ASPG: variants seen among roughly 807,000 people sequenced by gnomAD.
ASPG encodes 60 kDa lysophospholipase.
ASPG carries 53 observed loss-of-function variants against 63.2 expected under a neutral mutation model. The observed-to-expected ratio is 0.84, with a 90% CI of 0.67 to 1.05. ASPG has a LOEUF of 1.05. ASPG is among the 50% of genes least tolerant of loss of function. The pLI, the probability that ASPG is intolerant of heterozygous loss-of-function variation, is 0.00. For missense variants in ASPG, 741 were observed against 794.4 expected, an observed-to-expected ratio of 0.93 and a Z score of 0.81; for synonymous variants, 370 against 355.0, an observed-to-expected ratio of 1.04 and a Z score of -0.48.
intron 1 of ASPG, among the ~76,000 whole-genome samples, chr14:104,087,799 C>T (rs557110639): frequency 4.6e-5 from 7 of 152,348 alleles, no homozygotes; most frequent in South Asian, 2.1e-4. Flanking sequence ...TTGGCCCCCG[C>T]GTGCTCGCCG....
At chr14:104,087,062 C>T (rs1400079113) in intron 1 of ASPG, among the ~76,000 whole-genome samples, 5 of 151,656 alleles carry the variant, frequency 3.3e-5, no homozygotes, top group East Asian at 3.9e-4. Context: ...AGCACTCTGT[C>T]GGTGCTCTCA....
At position 104,092,710 on chromosome 14, in the gene ASPG, C is replaced by T. The variant is rs556759105; in HGVS notation, c.160C>T (p.Arg54Cys). Reference sequence around the variant, plus strand: ...CCATGACGAGGAGCACGCCCGAGCCCGCGGCCTCTCTGAGGACACCCTGGT... The same window carrying T: ...CCATGACGAGGAGCACGCCCGAGCCTGCGGCCTCTCTGAGGACACCCTGGT... Reference protein sequence around the residue: ...MFHDEEHARARGLSEDTLVLP... With the variant: ...MFHDEEHARACGLSEDTLVLP... The change falls in exon 2 of 16, where the codon CGC becomes TGC. Residue 54 changes from arginine to cysteine, a missense_variant. Arg to Cys is a radical substitution (Grantham distance 180). Transcript: ENST00000551177. 1.2e-5 allele frequency: 18 copies of T among 1,537,094 alleles called. No individual in the cohort carries two copies. Among genetic ancestry groups the T allele is most frequent in the Middle Eastern group, 2.1e-4 (1 of 4,712 alleles).
At chr14:104,096,790 C>T (rs975129645) in intron 4 of ASPG, among the ~76,000 whole-genome samples, 6 of 152,316 alleles carry the variant, frequency 3.9e-5, no homozygotes, top group Middle Eastern at 3.4e-3. Context: ...CCACGTACCA[C>T]GTGAGGGCTG....
intron 2 of ASPG, chr14:104,093,070 CAT>C: frequency 2.1e-6 from 1 of 479,854 alleles, no homozygotes; most frequent in Admixed American, 3.4e-5. Context: ...TTGCCCCCAG[CAT>C]AGAGGTCCTT....
chr14:104,110,351 G>A lies in ASPG; in HGVS notation c.1520+1036G>A, dbSNP rs2037334325. ...CCTCTGGGACCGGCCCACAACCCCT[G>A]GTCTTGCTTTTGAAGGGACTTCCGG... On this transcript the variant is annotated intron_variant, in intron 13 of 15. Transcript: ENST00000551177. The surrounding 1 kb of genome is among the most constrained non-coding windows in gnomAD (Gnocchi z 4.7). The A allele has an allele frequency of 1.0e-6, 1 of 985,256 alleles. No individual in the cohort carries two copies. The highest frequency in any genetic ancestry group is 1.2e-6 in the Non-Finnish European group (1 of 829,908). 61.0% of individuals were successfully genotyped at this position (985,256 alleles called of 1,614,324 possible).
Position 104,107,170 on chromosome 14 carries a change from G to C in ASPG, c.1270-12G>C. 6.5e-7 allele frequency: 1 copy of C among 1,547,190 alleles called. No individual in the cohort carries two copies. The highest frequency in any genetic ancestry group is 2.3e-5 in the East Asian group (1 of 44,116). The stretch of plus-strand genomic sequence containing the variant: ...TCTCCCTCAGGGGTCGCATGTCCTT[G>C]TGTTACTCCAGGGCAGTGACCTGGG... On this transcript the variant is annotated splice_polypyrimidine_tract_variant and intron_variant, in intron 11 of 15. Coordinates refer to ENST00000551177, the MANE Select transcript of ASPG (RefSeq NM_001080464.3).
intron 4 of ASPG, among the ~76,000 whole-genome samples, chr14:104,096,236 CTGACTAGGGGTCCATGT>C (rs2036589610): frequency 6.6e-6 from 1 of 152,208 alleles, no homozygotes; most frequent in African/African-American, 2.4e-5. Context: ...TGGCTAGAAG[CTGACTAGGGGTCCATGT>C]TGCCTGCGGG....
At chr14:104,108,385 T>G (rs1446251677) in intron 12 of ASPG, 1 of 984,708 alleles carries the variant, frequency 1.0e-6, no homozygotes, top group Non-Finnish European at 1.2e-6. Flanking sequence ...CCTCGTCTCC[T>G]CCTGACTCAC....
chr14:104,106,775 C>T, intron 10 of ASPG, 24 bp from the exon 11 acceptor site: 1 of 1,560,720 alleles, frequency 6.4e-7, no homozygotes, highest in Non-Finnish European at 8.7e-7. Context: ...GCGTGGGTCC[C>T]AGGGTGCCGC....
At chr14:104,103,328 A>G (rs994442402) in intron 6 of ASPG, among the ~76,000 whole-genome samples, 2 of 152,250 alleles carry the variant, frequency 1.3e-5, no homozygotes, top group African/African-American at 4.8e-5. Flanking sequence ...CTGGCCAACG[A>G]GTGCCTCCTC....
intron 9 of ASPG, 34 bp downstream of exon 9, chr14:104,104,769 G>C (rs1447674332): frequency 1.4e-5 from 22 of 1,532,948 alleles, no homozygotes; most frequent in Non-Finnish European, 2.0e-5. Flanking sequence ...GCAACCCTCG[G>C]TGTGCACAAG....
intron 3 of ASPG, among the ~76,000 whole-genome samples, chr14:104,094,790 A>G (rs1239889977): frequency 6.6e-6 from 1 of 152,184 alleles, no homozygotes; most frequent in Admixed American, 6.5e-5. Flanking sequence ...TTCTCGGCTC[A>G]GGTGGCCCAG....
chr14:104,108,985 C>T (rs376636911), intron 12 of ASPG: 1 of 985,424 alleles, frequency 1.0e-6, no homozygotes. Context: ...CCACCCCTTG[C>T]AGACCTCAGC....
At chr14:104,098,077 G>C (rs1156541682) in intron 5 of ASPG, among the ~76,000 whole-genome samples, 18 of 104,714 alleles carry the variant, frequency 1.7e-4, no homozygotes, top group East Asian at 8.8e-4. Context: ...GAGGTTTTGC[G>C]TTAGAGATGC....
Position 104,113,802 on chromosome 14 carries a change from G to A in ASPG, c.*1258G>A, listed in dbSNP as rs2037431331. The A allele has an allele frequency of 6.6e-6, 1 of 152,326 alleles. No individual in the cohort carries two copies. The highest frequency in any genetic ancestry group is 1.5e-5 in the Non-Finnish European group (1 of 68,108). 9.4% of individuals were successfully genotyped at this position (152,326 alleles called of 1,614,324 possible). A position where few individuals can be genotyped will look rare whatever the true frequency, so the allele number is the denominator to read the frequency against. Reference sequence around the variant, plus strand: ...GCCTTGCACAACAAGGTGACGCCATGCGAGCGTGGCAGGGCCGGGGAAGCC... The same window carrying A: ...GCCTTGCACAACAAGGTGACGCCATACGAGCGTGGCAGGGCCGGGGAAGCC... On this transcript the variant is annotated 3_prime_UTR_variant, in exon 16 of 16. Coordinates refer to ENST00000551177, the MANE Select transcript of ASPG (RefSeq NM_001080464.3).
chr14:104,101,049 G>A lies in ASPG; in HGVS notation c.640+2070G>A, dbSNP rs371511208. The stretch of plus-strand genomic sequence containing the variant: ...CAGGCCACGAGGCTCAAGACACACC[G>A]GCCTCAGGCCCAGGGCCGTGGGGCA... On this transcript the variant is annotated intron_variant, in intron 6 of 15. Transcript: ENST00000551177. 4.7e-4 allele frequency among the ~76,000 whole-genome samples: 72 copies of A among 152,324 alleles called. No homozygotes were observed. The East Asian group carries it at 0.012, about 26-fold the overall frequency.
chr14:104,097,678 G>GGGGCAGGAGCCCAGACAGC, intron 5 of ASPG, 41 bp downstream of exon 5: 1 of 1,541,316 alleles, frequency 6.5e-7, no homozygotes, highest in Non-Finnish European at 8.8e-7. Context: ...AGGTGGGGTG[G>GGGGCAGGAGCCCAGACAGC]GGGCAGGAGC....
At chr14:104,092,906 A>C in intron 2 of ASPG, 165 bp downstream of exon 2, 3 of 619,928 alleles carry the variant, frequency 4.8e-6, no homozygotes, top group Non-Finnish European at 8.5e-6. Flanking sequence ...GTCGCCTTCC[A>C]CCAGAGCCTG....
Position 104,103,630 on chromosome 14 carries a change from G to C in ASPG, c.708G>C (p.Gln236His). The change falls in exon 7 of 16, where the codon CAG becomes CAC. Residue 236 changes from glutamine (Q) to histidine (H), a missense_variant. Physicochemically the swap from Gln to His is conservative, Grantham distance 24 (BLOSUM62 0). Coordinates refer to ENST00000551177, the MANE Select transcript of ASPG (RefSeq NM_001080464.3). ...AGLVVHSSMEQDVGLLRLYPG... is the reference protein window; with the variant it reads ...AGLVVHSSMEHDVGLLRLYPG... ...TGGTGGTGCACAGCAGCATGGAGCAGGACGTGGGCCTGCTGCGCCTCTACC... is the reference window on the plus strand; with the variant it reads ...TGGTGGTGCACAGCAGCATGGAGCACGACGTGGGCCTGCTGCGCCTCTACC... The C allele has an allele frequency of 6.5e-7, 1 of 1,548,142 alleles. No homozygotes were observed. The highest frequency in any genetic ancestry group is 1.2e-5 in the South Asian group (1 of 83,970).
Sources: allele counts gnomAD v4.1 joint callset (sites outside exome capture counted in the v4.1 genomes callset), GRCh38; gene constraint gnomAD v4.1.1; non-coding constraint Gnocchi (gnomAD v3.1); transcripts MANE v1.5; gene names NCBI Gene and HGNC (gene_info 2026-07-23, HGNC 2026-07-21).